The following MLLT10 variants were observed in gnomAD, a reference collection of about 807,000 sequenced individuals.
MLLT10 encodes the protein MLLT10 histone lysine methyltransferase DOT1L cofactor.
A neutral mutation model predicts 129.1 loss-of-function variants in MLLT10; 30 were observed. The ratio of observed to expected loss-of-function variants is 0.23; its 90% CI spans 0.17 to 0.32. MLLT10 has a LOEUF of 0.32. MLLT10 is among the 10% of genes least tolerant of loss of function. The pLI, the probability that MLLT10 is intolerant of heterozygous loss-of-function variation, is 1.00. For synonymous variants in MLLT10, 490 were observed against 446.4 expected (o/e 1.10, Z -1.23); for missense variants, 1,119 against 1,268.3 (o/e 0.88, Z 1.79).
At chr10:21,555,607 C>T (rs1201223142) in intron 3 of MLLT10, among the ~76,000 whole-genome samples, 4 of 151,912 alleles carry the variant, frequency 2.6e-5, no homozygotes, top group African/African-American at 4.8e-5. Context: ...CTGTTTTGGC[C>T]TGTCTTTCGT....
intron 20 of MLLT10, among the ~76,000 whole-genome samples, chr10:21,734,520 T>G (rs1460661657): frequency 2.0e-5 from 3 of 152,220 alleles, no homozygotes; most frequent in African/African-American, 7.2e-5. Context: ...TGATATAGGA[T>G]AAAGGTCATT....
At chr10:21,596,634 TAA>T (rs61434459) in intron 5 of MLLT10, among the ~76,000 whole-genome samples, 25 of 142,106 alleles carry the variant, frequency 1.8e-4, no homozygotes, top group East Asian at 8.1e-4. Context: ...TTCTTTCTAG[TAA>T]AAAAAAAAAA....
chr10:21,574,489 ATAGAG>A (rs749567833), intron 3 of MLLT10, among the ~76,000 whole-genome samples: 3 of 152,332 alleles, frequency 2.0e-5, no homozygotes, highest in East Asian at 1.9e-4. Context: ...AGGCGGATTC[ATAGAG>A]TAAAGTGAAA....
intron 14 of MLLT10, among the ~76,000 whole-genome samples, chr10:21,715,278 A>G (rs574656691): frequency 2.3e-4 from 35 of 152,320 alleles, no homozygotes; most frequent in Admixed American, 7.8e-4. Context: ...TCAACCCCAG[A>G]TAGTTCAGCA....
intron 21 of MLLT10, among the ~76,000 whole-genome samples, chr10:21,739,358 T>G (rs1484136208): frequency 6.6e-6 from 1 of 152,000 alleles, no homozygotes; most frequent in Non-Finnish European, 1.5e-5. Context: ...AATTCCCTCT[T>G]CTCCTCCAAA....
intron 9 of MLLT10, 85 bp downstream of exon 9, chr10:21,651,853 A>T (rs2049063957): frequency 5.4e-6 from 4 of 735,664 alleles, no homozygotes; most frequent in Non-Finnish European, 8.8e-6. Context: ...TTCATTCCCT[A>T]ACTTTTCCCA....
chr10:21,727,778 G>T, intron 15 of MLLT10, 78 bp from the exon 16 acceptor site: 1 of 1,108,940 alleles, frequency 9.0e-7, no homozygotes, highest in South Asian at 1.3e-5. Flanking sequence ...GTATGTTTTA[G>T]GAAAAATCAG....
intron 8 of MLLT10, among the ~76,000 whole-genome samples, chr10:21,647,925 A>T (rs1202049062): frequency 1.3e-5 from 2 of 151,856 alleles, no homozygotes; most frequent in South Asian, 2.1e-4. Context: ...TTCCTTCCTT[A>T]AAGTCAGATA....
chr10:21,632,891 A>G (rs2047129067), intron 8 of MLLT10, among the ~76,000 whole-genome samples: 2 of 152,308 alleles, frequency 1.3e-5, no homozygotes, highest in East Asian at 1.9e-4. Flanking sequence ...GTAAACTATG[A>G]CACAGCAGTA....
chr10:21,671,078 T>C, intron 10 of MLLT10: 1 of 172,922 alleles, frequency 5.8e-6, no homozygotes, highest in South Asian at 1.3e-4. Context: ...TGGGCTGGAG[T>C]GCAGTGGCCG....
chr10:21,554,707 G>T (rs1197525964), intron 3 of MLLT10, among the ~76,000 whole-genome samples: 4 of 150,444 alleles, frequency 2.7e-5, no homozygotes, highest in Non-Finnish European at 5.9e-5. Flanking sequence ...TGATCTGCCC[G>T]CCTCGGCCTC....
intron 3 of MLLT10, among the ~76,000 whole-genome samples, chr10:21,541,593 C>G (rs972222114): frequency 6.6e-6 from 1 of 152,136 alleles, no homozygotes; most frequent in African/African-American, 2.4e-5. Flanking sequence ...ACCATGTTGG[C>G]CAGGCTGGTC....
intron 5 of MLLT10, among the ~76,000 whole-genome samples, chr10:21,597,904 T>G (rs1184681687): frequency 6.6e-6 from 1 of 152,236 alleles, no homozygotes; most frequent in Non-Finnish European, 1.5e-5. Flanking sequence ...CAGTTTTTCC[T>G]TGATCACTTG....
chr10:21,610,833 A>G (rs1015319660), intron 5 of MLLT10, among the ~76,000 whole-genome samples: 1 of 151,784 alleles, frequency 6.6e-6, no homozygotes, highest in Non-Finnish European at 1.5e-5. Context: ...AATGCATGCT[A>G]AATTCTTCCA....
chr10:21,681,251 A>G (rs1159692513), intron 11 of MLLT10, 81 bp from the exon 12 acceptor site: 22 of 1,570,164 alleles, frequency 1.4e-5, no homozygotes, highest in South Asian at 1.2e-5. Context: ...ATTTCCCTCC[A>G]TTTTTCTGGC....
Position 21,732,970 on chromosome 10 carries a change from T to C in MLLT10, c.2290T>C (p.Leu764=), listed in dbSNP as rs1228927131. ...NRRLEEQIKN[L]TAKKERLQLL... is the part of the protein sequence containing the mutation. ...AAGATTAGAGGAACAAATTAAAAAC[T>C]TGACTGCCAAAAAGGAACGGCTTCA... Residue 764 remains leucine (L), a synonymous_variant, in exon 18 of 23, where the codon TTG becomes CTG. Transcript: ENST00000307729. 1.2e-6 allele frequency: 2 copies of C among 1,614,042 alleles called. No individual in the cohort carries two copies. Among genetic ancestry groups the C allele is most frequent in the East Asian group, 2.2e-5 (1 of 44,826 alleles).
intron 11 of MLLT10, among the ~76,000 whole-genome samples, chr10:21,679,948 T>C (rs1486448934): frequency 6.6e-6 from 1 of 152,132 alleles, no homozygotes; most frequent in Non-Finnish European, 1.5e-5. Flanking sequence ...TTGCCAACAG[T>C]GTTAGCCATA....
Position 21,693,441 on chromosome 10 carries a change from A to G in MLLT10, c.1699+11184A>G, listed in dbSNP as rs555927396. Among the ~76,000 whole-genome samples, 75 of 152,036 alleles carry G rather than the reference A, an allele frequency of 4.9e-4. No individual in the cohort carries two copies. The South Asian group carries it at 5.8e-3, about 12-fold the overall frequency. On this transcript the variant is annotated intron_variant, in intron 13 of 22. Transcript: ENST00000307729. ...GTCACCATCTCTTATGTTTTCATCA[A>G]TCGTGCTCTTAGTATCTTTCCTCTT...
In MLLT10 at chr10:21,743,269, A is replaced by G. The variant is rs1833897033; in HGVS notation, c.*1286A>G. 1 of 227,276 alleles carries G rather than the reference A, an allele frequency of 4.4e-6. No homozygotes were observed. The highest frequency in any genetic ancestry group is 8.8e-6 in the Non-Finnish European group (1 of 114,138). 14.1% of individuals were successfully genotyped at this position (227,276 alleles called of 1,614,324 possible). A position where few individuals can be genotyped will look rare whatever the true frequency, so the allele number is the denominator to read the frequency against. ...ATTCTGCAATATGTTTCTTGGTTAAACATTGCACAGTTCTTACCTCATTTC... is the reference window on the plus strand; with the variant it reads ...ATTCTGCAATATGTTTCTTGGTTAAGCATTGCACAGTTCTTACCTCATTTC... On this transcript the variant is annotated 3_prime_UTR_variant, in exon 23 of 23. Transcript: ENST00000307729.
Sources: allele counts gnomAD v4.1 joint callset (sites outside exome capture counted in the v4.1 genomes callset), GRCh38; gene constraint gnomAD v4.1.1; transcripts MANE v1.5; gene names NCBI Gene and HGNC (gene_info 2026-07-23, HGNC 2026-07-21).